TTC28: variants seen among roughly 807,000 people sequenced by gnomAD.
TTC28 encodes tetratricopeptide repeat domain 28.
Under a neutral mutation model 198.0 loss-of-function variants are expected in TTC28, and 61 were observed. The observed-to-expected ratio is 0.31, with a 90% CI of 0.25 to 0.38. The LOEUF is 0.38. Among genes scored for constraint, TTC28 ranks in the 10% least tolerant of loss-of-function variants. TTC28 has a pLI of 1.00. For missense variants in TTC28, 2,678 were observed against 3,164.0 expected (o/e 0.85, Z 3.69); for synonymous variants, 1,171 against 1,297.8 (o/e 0.90, Z 2.10).
intron 2 of TTC28, among the ~76,000 whole-genome samples, chr22:28,409,183 A>C (rs902637189): frequency 2.0e-5 from 3 of 152,242 alleles, no homozygotes; most frequent in African/African-American, 7.2e-5. Context: ...TACAGTTCTT[A>C]AAACTAAAAA....
chr22:28,001,365 G>A lies in TTC28; in HGVS notation c.4398+9C>T, dbSNP rs771197629. 2 of 1,540,476 alleles carry A rather than the reference G, an allele frequency of 1.3e-6. No individual in the cohort carries two copies. Among genetic ancestry groups the A allele is most frequent in the African/African-American group, 1.4e-5 (1 of 72,994 alleles). On this transcript the variant is annotated intron_variant, in intron 15 of 22. Coordinates refer to ENST00000397906, the MANE Select transcript of TTC28 (RefSeq NM_001145418.2). ...GCCCCCGGCCCCCCACCATGTGTGT[G>A]AGCCTTACCTTGGACTGCACGCTGA...
rs2052066160 is a variant in TTC28 at position 28,679,794 on chromosome 22, C to T, written c.-71G>A. 5 of 812,038 alleles carry T rather than the reference C, an allele frequency of 6.2e-6. No homozygotes were observed. In the South Asian group the frequency reaches 2.4e-4, roughly 40 times the overall value. 50.3% of individuals were successfully genotyped at this position (812,038 alleles called of 1,614,324 possible). A position where few individuals can be genotyped will look rare whatever the true frequency, so the allele number is the denominator to read the frequency against. ...CAGCTAGGCGCGCGCGCCGGTTCCGCGCGCCATGTTCCCGCCGTGCTGCGC... is the reference window on the plus strand; with the variant it reads ...CAGCTAGGCGCGCGCGCCGGTTCCGTGCGCCATGTTCCCGCCGTGCTGCGC... On this transcript the variant is annotated 5_prime_UTR_variant, in exon 1 of 23. Coordinates refer to ENST00000397906, the MANE Select transcript of TTC28 (RefSeq NM_001145418.2).
chr22:28,073,031 A>G (rs948954429), intron 12 of TTC28, among the ~76,000 whole-genome samples: 1 of 152,224 alleles, frequency 6.6e-6, no homozygotes, highest in African/African-American at 2.4e-5. Flanking sequence ...GCATGTTATC[A>G]TAAGAGCCCA....
intron 2 of TTC28, among the ~76,000 whole-genome samples, chr22:28,492,323 T>G (rs1168987223): frequency 1.3e-5 from 2 of 152,112 alleles, no homozygotes; most frequent in African/African-American, 4.8e-5. Flanking sequence ...AGAAAATAGC[T>G]TAATAGATGC....
At chr22:28,299,616 T>C (rs1876896228) in intron 3 of TTC28, among the ~76,000 whole-genome samples, 1 of 152,196 alleles carries the variant, frequency 6.6e-6, no homozygotes, top group Non-Finnish European at 1.5e-5. Context: ...AGAATTTTGG[T>C]GGTGCCGTCC....
chr22:28,483,284 T>G (rs1314938042), intron 2 of TTC28, among the ~76,000 whole-genome samples: 1 of 152,092 alleles, frequency 6.6e-6, no homozygotes, highest in African/African-American at 2.4e-5. Flanking sequence ...AAGTGTCATG[T>G]CAGATGGCAG....
At chr22:28,466,804 A>T (rs1181179997) in intron 2 of TTC28, among the ~76,000 whole-genome samples, 1 of 137,300 alleles carries the variant, frequency 7.3e-6, no homozygotes, top group East Asian at 2.4e-4. Flanking sequence ...CAGTATTCTC[A>T]CATTATATAC....
At chr22:28,239,689 C>G (rs1298219054) in intron 5 of TTC28, among the ~76,000 whole-genome samples, 1 of 151,982 alleles carries the variant, frequency 6.6e-6, no homozygotes, top group Non-Finnish European at 1.5e-5. Flanking sequence ...TTTTTTTCCC[C>G]TAGGAACTCT....
intron 5 of TTC28, among the ~76,000 whole-genome samples, chr22:28,292,064 A>G (rs2044798132): frequency 6.6e-6 from 1 of 152,102 alleles, no homozygotes; most frequent in Non-Finnish European, 1.5e-5. Flanking sequence ...GGATAAAACT[A>G]ATAAATATTA....
intron 2 of TTC28, among the ~76,000 whole-genome samples, chr22:28,357,323 T>TA (rs1361128530): frequency 2.7e-5 from 4 of 147,254 alleles, no homozygotes. Flanking sequence ...TTATTTTTTT[T>TA]TTTTTTTTTT....
chr22:28,663,154 A>C (rs2051776701), intron 1 of TTC28, among the ~76,000 whole-genome samples: 1 of 151,498 alleles, frequency 6.6e-6, no homozygotes, highest in Non-Finnish European at 1.5e-5. Flanking sequence ...AGGCTGAGAT[A>C]GGAGAATGGC....
intron 6 of TTC28, among the ~76,000 whole-genome samples, chr22:28,129,992 G>A (rs1943019945): frequency 1.3e-5 from 2 of 152,166 alleles, no homozygotes; most frequent in South Asian, 4.1e-4. Flanking sequence ...GCTCTTTACA[G>A]AAGTAAAGCA....
chr22:28,601,853 A>G (rs1358592020), intron 2 of TTC28, among the ~76,000 whole-genome samples: 2 of 150,788 alleles, frequency 1.3e-5, no homozygotes, highest in Non-Finnish European at 3.0e-5. Context: ...TTTATATAGC[A>G]CTAATGCTGA....
chr22:28,580,963 C>T (rs1393323673), intron 2 of TTC28, among the ~76,000 whole-genome samples: 1 of 152,036 alleles, frequency 6.6e-6, no homozygotes, highest in East Asian at 1.9e-4. Flanking sequence ...CAAAGCCTCT[C>T]TTCCTTAAGA....
chr22:28,035,052 G>A (rs568274894), intron 12 of TTC28, among the ~76,000 whole-genome samples: 1 of 152,292 alleles, frequency 6.6e-6, no homozygotes, highest in East Asian at 1.9e-4. Flanking sequence ...TCATTTGCAA[G>A]CATGGCCACC....
At chr22:28,155,818 T>C (rs945961708) in intron 6 of TTC28, among the ~76,000 whole-genome samples, 1 of 152,128 alleles carries the variant, frequency 6.6e-6, no homozygotes, top group African/African-American at 2.4e-5. Context: ...ACTCTACCTA[T>C]AATGTGGCAT....
chr22:28,440,017 G>C (rs563852406), intron 2 of TTC28, among the ~76,000 whole-genome samples: 2 of 152,264 alleles, frequency 1.3e-5, no homozygotes, highest in African/African-American at 4.8e-5. Context: ...TGTATGTTTA[G>C]TAGAGACGGG....
intron 2 of TTC28, among the ~76,000 whole-genome samples, chr22:28,608,799 C>A (rs1024138151): frequency 1.3e-5 from 2 of 152,156 alleles, no homozygotes; most frequent in Non-Finnish European, 2.9e-5. Context: ...GAATCTCTAT[C>A]AAGCTGAGGA....
intron 17 of TTC28, chr22:27,994,450 GT>G (rs138647): frequency 0.023 from 3,164 of 135,922 alleles, 35 homozygotes; most frequent in Non-Finnish European, 0.031. Flanking sequence ...GTCACCTGAG[GT>G]TTTTTTTTTT....
Sources: gnomAD v4.1 joint callset for allele counts (sites outside exome capture counted in the v4.1 genomes callset) on GRCh38, gnomAD v4.1.1 for gene constraint, MANE v1.5 for transcripts, NCBI Gene and HGNC (gene_info 2026-07-23, HGNC 2026-07-21) for gene names.